The following ACOT7 variants were observed in gnomAD, a reference collection of about 807,000 sequenced individuals.
The protein encoded by ACOT7 is acyl-CoA thioesterase 7.
A neutral mutation model predicts 40.2 loss-of-function variants in ACOT7; 12 were observed. The ratio of observed to expected loss-of-function variants is 0.30; its 90% CI spans 0.19 to 0.48. The LOEUF (loss-of-function observed/expected upper bound fraction) is 0.48, where lower values mean the gene tolerates loss of function less well. ACOT7 is among the 20% of genes least tolerant of loss of function. The pLI is 0.99. For synonymous variants in ACOT7, 228 were observed against 219.5 expected (o/e 1.04, Z -0.34); for missense variants, 395 against 530.8 (o/e 0.74, Z 2.51).
chr1:6,268,463 C>T (rs900712702), intron 8 of ACOT7, among the ~76,000 whole-genome samples: 1 of 152,264 alleles, frequency 6.6e-6, no homozygotes, highest in African/African-American at 2.4e-5. Context: ...CCCCTCCTTT[C>T]TTCCCTAGGC....
rs1042771106 is a variant in ACOT7 at position 6,277,139 on chromosome 1, T to C, written c.1014+3963A>G. ...GTGGACCCCCTCAGGTTGGACTCTA[T>C]AGGGAGTGGGGAACGTGAGGCACAG... is the stretch of plus-strand genomic sequence containing the variant. On this transcript the variant is annotated intron_variant, in intron 8 of 8. Coordinates refer to ENST00000361521, the MANE Select transcript of ACOT7 (RefSeq NM_007274.4). Among the ~76,000 whole-genome samples, 3 of 152,172 alleles carry C rather than the reference T, an allele frequency of 2.0e-5. No homozygotes were observed. The East Asian group carries it at 5.8e-4, about 29-fold the overall frequency.
chr1:6,374,739 C>T (rs1236529559), intron 1 of ACOT7, among the ~76,000 whole-genome samples: 2 of 152,150 alleles, frequency 1.3e-5, no homozygotes, highest in Non-Finnish European at 2.9e-5. Flanking sequence ...GAGAGTTCTC[C>T]GTGGCTGGGA....
chr1:6,315,753 TAAA>T (rs61115908), intron 6 of ACOT7, among the ~76,000 whole-genome samples: 972 of 83,560 alleles, frequency 0.012, 22 homozygotes, highest in Middle Eastern at 0.041. Flanking sequence ...AGACTCTGTC[TAAA>T]AAAAAAAAAA....
chr1:6,281,460 T>C (rs1639358339), intron 7 of ACOT7, among the ~76,000 whole-genome samples, 174 bp from the exon 8 acceptor site: 2 of 152,340 alleles, frequency 1.3e-5, no homozygotes, highest in African/African-American at 2.4e-5. Flanking sequence ...TGCCCATGAA[T>C]GTTTATCTTT....
At chr1:6,276,485 T>C (rs1461303662) in intron 8 of ACOT7, among the ~76,000 whole-genome samples, 2 of 151,442 alleles carry the variant, frequency 1.3e-5, no homozygotes, top group East Asian at 3.9e-4. Flanking sequence ...CAGCATAAAA[T>C]ATTCATGGAG....
At chr1:6,281,652 C>T (rs1018713899) in intron 7 of ACOT7, among the ~76,000 whole-genome samples, 4 of 152,172 alleles carry the variant, frequency 2.6e-5, no homozygotes, top group Non-Finnish European at 5.9e-5. Context: ...CTGTGGGTGT[C>T]GGCTGGCTCT....
At chr1:6,360,661 C>T in intron 1 of ACOT7, 3 of 1,614,206 alleles carry the variant, frequency 1.9e-6, no homozygotes, top group Non-Finnish European at 1.7e-6. Context: ...ATCGTCTCCC[C>T]ACGTCTCCTG....
At position 6,355,259 on chromosome 1, in the gene ACOT7, C is replaced by T. The variant is rs1301342276; in HGVS notation, c.144-5393G>A. On this transcript the variant is annotated intron_variant, in intron 1 of 8. Coordinates refer to ENST00000361521, the MANE Select transcript of ACOT7 (RefSeq NM_007274.4). This position sits in a 1 kb window ranked among gnomAD's most constrained non-coding sequence, Gnocchi z 5.0. ...ACCACCCACCCAAACCCCAGATGCA[C>T]AGGGACACCCTGACCCAGGATTCCA... Among the ~76,000 whole-genome samples, 1 of 152,196 alleles carries T rather than the reference C, an allele frequency of 6.6e-6. No homozygotes were observed. The highest frequency in any genetic ancestry group is 1.5e-5 in the Non-Finnish European group (1 of 68,040).
intron 6 of ACOT7, among the ~76,000 whole-genome samples, chr1:6,308,684 CCAGGCAGAGGGAACAGCCA>C (rs1424596115): frequency 3.3e-5 from 5 of 150,552 alleles, no homozygotes; most frequent in Middle Eastern, 3.5e-3. Flanking sequence ...GGAACCACGA[CCAGGCAGAGGGAACAGCCA>C]CAGGCAGAGG....
chr1:6,344,763 CAAAAAAAAA>C (rs58594477), intron 2 of ACOT7, among the ~76,000 whole-genome samples: 6,202 of 56,030 alleles, frequency 0.11, 154 homozygotes, highest in Non-Finnish European at 0.13. Context: ...GACTCTGTCT[CAAAAAAAAA>C]AAAAAAAAAA....
intron 2 of ACOT7, among the ~76,000 whole-genome samples, chr1:6,349,213 C>T (rs1641518780): frequency 6.6e-6 from 1 of 152,232 alleles, no homozygotes; most frequent in African/African-American, 2.4e-5. Flanking sequence ...TCCCGAGCTA[C>T]ACAATTTTGG....
rs1176685145 is a variant in ACOT7, at chr1:6,393,652, G to A, written c.-253C>T. On this transcript the variant is annotated 5_prime_UTR_variant, in exon 1 of 9. Transcript: ENST00000361521. ...GCGCCGGTGCGGGGAAGGCCCGCTA[G>A]CCGCGGCAGCCGCGCCCGACCCGGT... is the stretch of plus-strand genomic sequence containing the variant. 1 of 262,772 alleles carries A rather than the reference G, an allele frequency of 3.8e-6. No homozygotes were observed. The highest frequency in any genetic ancestry group is 7.1e-6 in the Non-Finnish European group (1 of 141,220). 16.3% of individuals were successfully genotyped at this position (262,772 alleles called of 1,614,324 possible). A position where few individuals can be genotyped will look rare whatever the true frequency, so the allele number is the denominator to read the frequency against.
chr1:6,271,403 C>A (rs1639030221), intron 8 of ACOT7, among the ~76,000 whole-genome samples: 1 of 152,190 alleles, frequency 6.6e-6, no homozygotes, highest in African/African-American at 2.4e-5. Flanking sequence ...CCTGTTATAA[C>A]AGGAGACAAG....
intron 7 of ACOT7, 21 bp from the exon 8 acceptor site, chr1:6,281,307 G>A: frequency 5.6e-6 from 9 of 1,594,362 alleles, no homozygotes; most frequent in Non-Finnish European, 7.7e-6. Context: ...GGGAGGGCGG[G>A]GGTCAGGGCG....
intron 5 of ACOT7, 88 bp from the exon 6 acceptor site, chr1:6,318,666 C>A: frequency 7.4e-7 from 1 of 1,357,154 alleles, no homozygotes; most frequent in South Asian, 1.2e-5. Context: ...ACCCTCAGGT[C>A]TACACAGTCA....
intron 1 of ACOT7, among the ~76,000 whole-genome samples, chr1:6,391,447 A>C (rs1037999619): frequency 6.6e-6 from 1 of 152,224 alleles, no homozygotes; most frequent in Non-Finnish European, 1.5e-5. Context: ...CAGGGGTTGC[A>C]GTGAGCTGAG....
intron 2 of ACOT7, among the ~76,000 whole-genome samples, chr1:6,348,825 C>A (rs186241890): frequency 4.5e-4 from 69 of 152,318 alleles, no homozygotes; most frequent in African/African-American, 1.6e-3. Context: ...TCAGAGCTCA[C>A]AGTGCCTCCG....
chr1:6,391,581 C>T (rs1284576156), intron 1 of ACOT7, among the ~76,000 whole-genome samples: 1 of 152,172 alleles, frequency 6.6e-6, no homozygotes, highest in African/African-American at 2.4e-5. Flanking sequence ...ATTCACCACC[C>T]TGAAGAAGTA....
intron 4 of ACOT7, among the ~76,000 whole-genome samples, chr1:6,331,947 G>C (rs757485014): frequency 1.3e-5 from 2 of 152,150 alleles, no homozygotes; most frequent in Non-Finnish European, 2.9e-5. Flanking sequence ...ATGGGCAGTG[G>C]CAGCAGGGAC....
Sources: gnomAD v4.1 joint callset for allele counts (sites outside exome capture counted in the v4.1 genomes callset) on GRCh38, gnomAD v4.1.1 for gene constraint, Gnocchi (gnomAD v3.1) non-coding constraint, MANE v1.5 for transcripts, NCBI Gene and HGNC (gene_info 2026-07-23, HGNC 2026-07-21) for gene names.